NSUN7: variants seen among roughly 807,000 people sequenced by gnomAD.
NSUN7 encodes NOP2/Sun RNA methyltransferase family member 7.
NSUN7 carries 39 observed loss-of-function variants against 58.5 expected under a neutral mutation model. The observed-to-expected ratio is 0.67, with a 90% CI of 0.52 to 0.87. NSUN7 has a LOEUF of 0.87. NSUN7 is among the 40% of genes least tolerant of loss of function. The pLI is 0.00. For missense variants in NSUN7, 765 were observed against 844.1 expected, an observed-to-expected ratio of 0.91 and a Z score of 1.16; for synonymous variants, 278 against 303.7, an observed-to-expected ratio of 0.92 and a Z score of 0.88.
chr4:40,758,912 A>G (rs558588270), intron 2 of NSUN7, among the ~76,000 whole-genome samples: 2 of 151,834 alleles, frequency 1.3e-5, no homozygotes, highest in Non-Finnish European at 2.9e-5. Context: ...ATGAATTCAA[A>G]TTCAAGGTAT....
intron 10 of NSUN7, among the ~76,000 whole-genome samples, chr4:40,801,181 T>C (rs1743564364): frequency 6.6e-6 from 1 of 152,174 alleles, no homozygotes; most frequent in South Asian, 2.1e-4. Context: ...TGTCCCTTTG[T>C]TGGCATCCTG....
At chr4:40,801,889 G>A (rs1743598503) in intron 10 of NSUN7, among the ~76,000 whole-genome samples, 1 of 134,118 alleles carries the variant, frequency 7.5e-6, no homozygotes, top group South Asian at 2.4e-4. Flanking sequence ...GTGACAGAGG[G>A]AGACTCTGTC....
intron 7 of NSUN7, among the ~76,000 whole-genome samples, chr4:40,780,662 C>T (rs990437337): frequency 6.8e-6 from 1 of 147,966 alleles, no homozygotes; most frequent in Non-Finnish European, 1.5e-5. Flanking sequence ...AGACAAATAG[C>T]AAATAGGATG....
chr4:40,771,703 G>A (rs1742016146), intron 4 of NSUN7, among the ~76,000 whole-genome samples: 1 of 147,968 alleles, frequency 6.8e-6, no homozygotes, highest in Non-Finnish European at 1.5e-5. Flanking sequence ...TAAAATTTAA[G>A]CTTATATAAA....
At position 40,759,980 on chromosome 4, in the gene NSUN7, G is replaced by A. The variant is rs551765562; in HGVS notation, c.299-454G>A. On this transcript the variant is annotated intron_variant, in intron 2 of 11. Coordinates refer to ENST00000381782, the MANE Select transcript of NSUN7 (RefSeq NM_024677.6). ...TTGAACCTGGGAGGCAGACGTTGCA[G>A]TGAGCTGAGATCGCACCATTGTACT... is the stretch of plus-strand genomic sequence containing the variant. Among the ~76,000 whole-genome samples the A allele has an allele frequency of 4.7e-4, 71 of 152,288 alleles. 1 individual carries two copies. Among genetic ancestry groups the A allele is most frequent in the African/African-American group, 1.7e-3 (69 of 41,562 alleles).
At chr4:40,777,006 G>A (rs1234170762) in intron 7 of NSUN7, among the ~76,000 whole-genome samples, 4 of 152,180 alleles carry the variant, frequency 2.6e-5, no homozygotes, top group Admixed American at 2.6e-4. Flanking sequence ...TAGGTTCAGC[G>A]AGGCTGAAAA....
chr4:40,800,425 C>T (rs1172712747), intron 10 of NSUN7, among the ~76,000 whole-genome samples: 2 of 152,058 alleles, frequency 1.3e-5, no homozygotes, highest in Non-Finnish European at 2.9e-5. Flanking sequence ...CTGCAACTTC[C>T]ACCTCCTGGG....
chr4:40,759,722 A>G (rs896808718), intron 2 of NSUN7, among the ~76,000 whole-genome samples: 1 of 152,230 alleles, frequency 6.6e-6, no homozygotes, highest in Non-Finnish European at 1.5e-5. Context: ...CCTCATGAAC[A>G]TGAACATACA....
chr4:40,801,769 G>A (rs1381035139), intron 10 of NSUN7, among the ~76,000 whole-genome samples: 1 of 151,898 alleles, frequency 6.6e-6, no homozygotes, highest in Admixed American at 6.6e-5. Flanking sequence ...TGTGGTGGTG[G>A]TGTACTCCTG....
rs192443915 is a variant in NSUN7 at position 40,771,842 on chromosome 4, T to C, written c.489-2423T>C. On this transcript the variant is annotated intron_variant, in intron 4 of 11. Coordinates refer to ENST00000381782, the MANE Select transcript of NSUN7 (RefSeq NM_024677.6). ...AAGATAATCAGGCAGCTCTCTGTGA[T>C]AACATACAAACTGTAGCAGAAAAAG... 3.8e-3 allele frequency among the ~76,000 whole-genome samples: 572 copies of C among 151,506 alleles called. 5 individuals are homozygous for C. Among genetic ancestry groups the C allele is most frequent in the African/African-American group, 0.013 (538 of 41,426 alleles).
intron 7 of NSUN7, among the ~76,000 whole-genome samples, chr4:40,787,790 TCC>T (rs533945251): frequency 4.7e-4 from 71 of 152,326 alleles, no homozygotes; most frequent in Admixed American, 2.9e-3. Flanking sequence ...AGGAACTACT[TCC>T]CAGTTCATTT....
chr4:40,769,983 G>A lies in NSUN7; in HGVS notation c.489-4282G>A, dbSNP rs192223530. On this transcript the variant is annotated intron_variant, in intron 4 of 11. Coordinates refer to ENST00000381782, the MANE Select transcript of NSUN7 (RefSeq NM_024677.6). ...CCAGCACTTTGGGAGGCCGAGGCGGGTGGATCTCCTGAGGTCGGGAGTTCG... is the reference window on the plus strand; with the variant it reads ...CCAGCACTTTGGGAGGCCGAGGCGGATGGATCTCCTGAGGTCGGGAGTTCG... Among the ~76,000 whole-genome samples the A allele has an allele frequency of 2.8e-3, 424 of 152,290 alleles. 3 individuals are homozygous for A. Among genetic ancestry groups the A allele is most frequent in the African/African-American group, 9.5e-3 (396 of 41,558 alleles).
chr4:40,808,267 A>G, intron 11 of NSUN7, 40 bp from the exon 12 acceptor site: 1 of 1,552,726 alleles, frequency 6.4e-7, no homozygotes, highest in Non-Finnish European at 8.7e-7. Context: ...ACACAATAAT[A>G]GCTAACTCCC....
intron 7 of NSUN7, among the ~76,000 whole-genome samples, chr4:40,779,008 A>T (rs1742400125): frequency 6.6e-6 from 1 of 152,202 alleles, no homozygotes; most frequent in Non-Finnish European, 1.5e-5. Flanking sequence ...CAGTAAAGGG[A>T]ATACTAAAGA....
chr4:40,805,251 C>T (rs1240623820), intron 10 of NSUN7, among the ~76,000 whole-genome samples: 1 of 152,140 alleles, frequency 6.6e-6, no homozygotes, highest in African/African-American at 2.4e-5. Flanking sequence ...GTTCTCTGCT[C>T]AGGATATGAG....
intron 4 of NSUN7, among the ~76,000 whole-genome samples, chr4:40,769,999 CG>C (rs1405353508): frequency 6.6e-6 from 1 of 151,944 alleles, no homozygotes; most frequent in East Asian, 1.9e-4. Context: ...CTCCTGAGGT[CG>C]GGAGTTCGAG....
chr4:40,798,549 A>G (rs974252576), intron 9 of NSUN7, among the ~76,000 whole-genome samples: 1 of 152,144 alleles, frequency 6.6e-6, no homozygotes, highest in African/African-American at 2.4e-5. Context: ...AGTTGGCCTC[A>G]TTTTTTGTTG....
At chr4:40,760,079 C>T (rs918050862) in intron 2 of NSUN7, among the ~76,000 whole-genome samples, 3 of 152,072 alleles carry the variant, frequency 2.0e-5, no homozygotes, top group South Asian at 2.1e-4. Flanking sequence ...TCAAATCCAG[C>T]AATACATAAA....
intron 4 of NSUN7, among the ~76,000 whole-genome samples, chr4:40,768,709 T>C (rs1004731506): frequency 4.6e-5 from 7 of 151,926 alleles, no homozygotes; most frequent in Non-Finnish European, 1.0e-4. Context: ...CCTATTATCA[T>C]TTTTTTTACA....
Sources: allele counts gnomAD v4.1 joint callset (sites outside exome capture counted in the v4.1 genomes callset), GRCh38; gene constraint gnomAD v4.1.1; transcripts MANE v1.5; gene names NCBI Gene and HGNC (gene_info 2026-07-23, HGNC 2026-07-21).